Variants in PHB2 observed in about 807,000 individuals in gnomAD.
The protein encoded by PHB2 is prohibitin-2.
In PHB2, 22 loss-of-function variants were observed where a neutral mutation model predicts 46.4. The ratio of observed to expected loss-of-function variants is 0.47; its 90% confidence interval spans 0.34 to 0.68. The LOEUF is 0.68. PHB2 is among the 30% of genes least tolerant of loss of function. The pLI is 0.01. For missense variants in PHB2, 305 were observed against 382.8 expected (o/e 0.80, Z 1.70); for synonymous variants, 156 against 150.5 (o/e 1.04, Z -0.27).
chr12:6,967,805 C>G lies in PHB2; in HGVS notation c.608-26G>C, dbSNP rs782205458. On this transcript the variant is annotated intron_variant, in intron 5 of 9. Transcript: ENST00000535923. The surrounding 1 kb of genome is among the most constrained non-coding windows in gnomAD (Gnocchi z 4.9). ...CTGTGGTGGGAGAGAGTCAGGGAGA[C>G]CCTGTCCTGGGTCAGGAGCCCCACC... The G allele has an allele frequency of 2.5e-6, 4 of 1,611,176 alleles. No homozygotes were observed. The highest frequency in any genetic ancestry group is 3.4e-6 in the Non-Finnish European group (4 of 1,177,880).
Position 6,967,794 on chromosome 12 carries a change from AGTCAGGGAGACCCTGTCCTGG to A in PHB2, c.608-36_608-16del. ...CTCCTGCTGGGCTGTGGTGGGAGAG[AGTCAGGGAGACCCTGTCCTGG>A]GTCAGGAGCCCCACCCATGGAGTCT... On this transcript the variant is annotated splice_polypyrimidine_tract_variant and intron_variant, in intron 5 of 9. Transcript: ENST00000535923. The surrounding 1 kb of genome is among the most constrained non-coding windows in gnomAD (Gnocchi z 4.9). 9 of 1,611,560 alleles carry A rather than the reference AGTCAGGGAGACCCTGTCCTGG, an allele frequency of 5.6e-6. No homozygotes were observed. The highest frequency in any genetic ancestry group is 7.6e-6 in the Non-Finnish European group (9 of 1,178,220).
Position 6,966,475 on chromosome 12 carries a change from T to C in PHB2, c.815A>G (p.Tyr272Cys), listed in dbSNP as rs781932320. 2.2e-5 allele frequency: 35 copies of C among 1,610,770 alleles called. No individual in the cohort carries two copies. The highest frequency in any genetic ancestry group is 6.6e-5 in the South Asian group (6 of 91,026). Residue 272 changes from tyrosine (Y) to cysteine (C), a missense_variant, in exon 8 of 10, where the codon TAT (tyrosine) becomes TGT (cysteine). Tyr to Cys is a radical substitution (Grantham distance 194). Coordinates refer to ENST00000535923, the MANE Select transcript of PHB2 (RefSeq NM_001144831.2). Reference protein sequence around the residue: ...KTIATSQNRIYLTADNLVLNL... With the variant: ...KTIATSQNRICLTADNLVLNL... ...CAGCACAAGGTTGTCAGCTGTGAGA[T>C]AGATACGATTCTGTGATGTGGCGAT...
intron 4 of PHB2, 29 bp downstream of exon 4, chr12:6,968,382 C>T: frequency 6.5e-7 from 1 of 1,545,762 alleles, no homozygotes; most frequent in South Asian, 1.1e-5. Flanking sequence ...GAAAGGCTGA[C>T]ACCACGCAGA....
Position 6,967,152 on chromosome 12 carries a change from G to A in PHB2, c.789+19C>T, listed in dbSNP as rs1555150884. The A allele has an allele frequency of 9.7e-6, 15 of 1,549,658 alleles. No homozygotes were observed. The South Asian group carries it at 1.1e-4, about 11-fold the overall frequency. On this transcript the variant is annotated intron_variant, in intron 7 of 9. Coordinates refer to ENST00000535923, the MANE Select transcript of PHB2 (RefSeq NM_001144831.2). The surrounding 1 kb of genome is among the most constrained non-coding windows in gnomAD (Gnocchi z 4.9). ...TTCTCAAGGCAGCCCCATCAGAGACGCTGGGCTGACACACTCACCGTCTTG... is the reference window on the plus strand; with the variant it reads ...TTCTCAAGGCAGCCCCATCAGAGACACTGGGCTGACACACTCACCGTCTTG...
intron 9 of PHB2, 23 bp from the exon 10 acceptor site, chr12:6,965,735 A>G: frequency 6.2e-7 from 1 of 1,606,160 alleles, no homozygotes; most frequent in East Asian, 2.2e-5. Flanking sequence ...AAAGATAGAT[A>G]ATGACATTAT....
At chr12:6,968,677 C>T in intron 3 of PHB2, 82 bp from the exon 4 acceptor site, 1 of 1,106,898 alleles carries the variant, frequency 9.0e-7, no homozygotes, top group Non-Finnish European at 1.3e-6. Context: ...TCCCTGTATG[C>T]CCTGTGCAAT....
At chr12:6,969,890 C>T (rs1463281744) in intron 2 of PHB2, 1 of 604,460 alleles carries the variant, frequency 1.7e-6, no homozygotes, top group Non-Finnish European at 3.0e-6. Context: ...CAGAGCAAGA[C>T]TCCCTCTCCA....
chr12:6,965,968 T>C (rs1946205865), intron 8 of PHB2, 52 bp from the exon 9 acceptor site: 1 of 1,587,468 alleles, frequency 6.3e-7, no homozygotes, highest in Non-Finnish European at 8.5e-7. Context: ...GAAATGCACA[T>C]GTTAATTGAC....
At chr12:6,965,766 G>T in intron 9 of PHB2, 54 bp from the exon 10 acceptor site, 1 of 1,564,756 alleles carries the variant, frequency 6.4e-7, no homozygotes, top group Non-Finnish European at 8.8e-7. Flanking sequence ...AAATGTGAGA[G>T]GCAGGACACT....
rs782165238 is a variant in PHB2, at chr12:6,970,169, G to C, written c.212+27C>G. The C allele has an allele frequency of 3.2e-6, 5 of 1,566,568 alleles. No individual in the cohort carries two copies. The Admixed American group carries it at 5.0e-5, about 16-fold the overall frequency. ...GGTCGGCGTCAAGGGTGAAAGGTCA[G>C]GGTCAGCAGGCTCTGCCCGCCATTA... On this transcript the variant is annotated intron_variant, in intron 2 of 9. Transcript: ENST00000535923.
At chr12:6,969,893 C>A in intron 2 of PHB2, 2 of 613,856 alleles carry the variant, frequency 3.3e-6, no homozygotes, top group South Asian at 3.2e-5. Context: ...AGCAAGACTC[C>A]CTCTCCAAAA....
intron 7 of PHB2, 104 bp from the exon 8 acceptor site, chr12:6,966,604 C>G: frequency 1.3e-6 from 1 of 774,944 alleles, no homozygotes; most frequent in Non-Finnish European, 2.4e-6. Flanking sequence ...CAGATTAGGG[C>G]AGGGGTGCAG....
Position 6,970,588 on chromosome 12 carries a change from C to G in PHB2, c.-45G>C. The G allele has an allele frequency of 6.6e-7, 1 of 1,518,586 alleles. No individual in the cohort carries two copies. The highest frequency in any genetic ancestry group is 8.8e-7 in the Non-Finnish European group (1 of 1,140,200). 94.1% of individuals were successfully genotyped at this position (1,518,586 alleles called of 1,614,324 possible). ...GGCACTGGAGGTCAGAAGGGGGTGCCGGCCCGCCTCTACCCCGCTCCGGCT... is the reference window on the plus strand; with the variant it reads ...GGCACTGGAGGTCAGAAGGGGGTGCGGGCCCGCCTCTACCCCGCTCCGGCT... On this transcript the variant is annotated 5_prime_UTR_variant, in exon 1 of 10. Transcript: ENST00000535923.
At position 6,970,616 on chromosome 12, in the gene PHB2, G is replaced by A. The variant is rs1946308303; in HGVS notation, c.-73C>T. 1 of 1,490,972 alleles carries A rather than the reference G, an allele frequency of 6.7e-7. No homozygotes were observed. The highest frequency in any genetic ancestry group is 1.4e-5 in the African/African-American group (1 of 71,510). 92.4% of individuals were successfully genotyped at this position (1,490,972 alleles called of 1,614,324 possible). On this transcript the variant is annotated 5_prime_UTR_variant, in exon 1 of 10. Coordinates refer to ENST00000535923, the MANE Select transcript of PHB2 (RefSeq NM_001144831.2). ...CCCGCCTCTACCCCGCTCCGGCTTA[G>A]GTACTGCACCCTTCACACGAGGGTT...
intron 9 of PHB2, 44 bp from the exon 10 acceptor site, chr12:6,965,756 A>AAT: frequency 6.3e-7 from 1 of 1,583,042 alleles, no homozygotes. Context: ...TAGGGGACAT[A>AAT]AATGTGAGAG....
At chr12:6,968,235 G>A (rs111506788) in intron 4 of PHB2, among the ~76,000 whole-genome samples, 176 bp downstream of exon 4, 1 of 152,234 alleles carries the variant, frequency 6.6e-6, no homozygotes, top group East Asian at 1.9e-4. Flanking sequence ...AACACCGAGT[G>A]CTATCGAGTT....
intron 9 of PHB2, 71 bp from the exon 10 acceptor site, chr12:6,965,783 C>A: frequency 6.4e-7 from 1 of 1,550,780 alleles, no homozygotes; most frequent in Non-Finnish European, 8.9e-7. Context: ...CACTCTAGGC[C>A]ATTCCCTCTA....
intron 2 of PHB2, chr12:6,969,782 C>A: frequency 2.0e-6 from 1 of 508,292 alleles, no homozygotes; most frequent in Non-Finnish European, 3.6e-6. Flanking sequence ...GCCTGTAATC[C>A]CAGCTACTCG....
chr12:6,970,345 G>T lies in PHB2; in HGVS notation c.128-65C>A, dbSNP rs1591704122. 2.5e-6 allele frequency: 4 copies of T among 1,604,278 alleles called. No individual in the cohort carries two copies. The East Asian group carries it at 8.9e-5, about 36-fold the overall frequency. Reference sequence around the variant, plus strand: ...CAGAGGAAATGCTAGGCCCGTGGAGGGGCGCGGGGACAGGGCAAGGGGTTT... The same window carrying T: ...CAGAGGAAATGCTAGGCCCGTGGAGTGGCGCGGGGACAGGGCAAGGGGTTT... On this transcript the variant is annotated intron_variant, in intron 1 of 9. Coordinates refer to ENST00000535923, the MANE Select transcript of PHB2 (RefSeq NM_001144831.2).
Sources: gnomAD v4.1 joint callset for allele counts (sites outside exome capture counted in the v4.1 genomes callset) on GRCh38, gnomAD v4.1.1 for gene constraint, Gnocchi (gnomAD v3.1) non-coding constraint, MANE v1.5 for transcripts, NCBI Gene and HGNC (gene_info 2026-07-23, HGNC 2026-07-21) for gene names.